The following KHDRBS2 variants were observed in gnomAD, a reference collection of about 807,000 sequenced individuals.
KHDRBS2 encodes KH RNA binding domain containing, signal transduction associated 2.
Under a neutral mutation model 44.3 loss-of-function variants are expected in KHDRBS2, and 26 were observed. That is an observed-to-expected ratio of 0.59 (90% CI 0.43 to 0.81). The LOEUF is 0.81. Among genes scored for constraint, KHDRBS2 ranks in the 40% least tolerant of loss-of-function variants. The pLI is 0.00. For missense variants in KHDRBS2, 476 were observed against 433.1 expected (o/e 1.10, Z -0.88); for synonymous variants, 194 against 151.1 (o/e 1.28, Z -2.08).
intron 6 of KHDRBS2, among the ~76,000 whole-genome samples, chr6:61,880,162 T>C (rs754086644): frequency 5.9e-5 from 9 of 151,844 alleles, no homozygotes; most frequent in Non-Finnish European, 8.8e-5. Context: ...AATGGAAAAG[T>C]ACACACAAAA....
At chr6:62,229,436 G>A (rs1172336130) in intron 1 of KHDRBS2, among the ~76,000 whole-genome samples, 1 of 152,186 alleles carries the variant, frequency 6.6e-6, no homozygotes, top group Non-Finnish European at 1.5e-5. Context: ...AGATTAGTGT[G>A]TTAGGCAGCT....
At chr6:62,263,088 G>A (rs994333546) in intron 1 of KHDRBS2, among the ~76,000 whole-genome samples, 1 of 151,564 alleles carries the variant, frequency 6.6e-6, no homozygotes, top group Non-Finnish European at 1.5e-5. Context: ...TGTCTTCCAA[G>A]AAAACTCAAA....
rs1446715918 is a variant in KHDRBS2, at chr6:61,978,347, C to G, written c.337-135G>C. 6.9e-6 allele frequency: 4 copies of G among 579,298 alleles called. No homozygotes were observed. In the Admixed American group the frequency reaches 1.6e-4, roughly 23 times the overall value. The allele number at this position is 579,298 out of a possible 1,614,324, so 35.9% of individuals were successfully genotyped here. A position where few individuals can be genotyped will look rare whatever the true frequency, so the allele number is the denominator to read the frequency against. On this transcript the variant is annotated intron_variant, in intron 3 of 8. Transcript: ENST00000281156. ...GCTTCCATAATTTTCTCAAAGAAAC[C>G]CTTTGAGAAATAAAAATCTGCTACA...
the KHDRBS2 span, among the ~76,000 whole-genome samples, chr6:61,581,400 A>G: frequency 6.6e-6 from 1 of 151,926 alleles, no homozygotes; most frequent in African/African-American, 2.4e-5. Context: ...GTTAAGCAAT[A>G]TATGGCTAAA....
At chr6:62,280,064 C>T (rs749109295) in intron 1 of KHDRBS2, among the ~76,000 whole-genome samples, 31 of 152,016 alleles carry the variant, frequency 2.0e-4, no homozygotes, top group Non-Finnish European at 3.5e-4. Context: ...GATCTAGAGG[C>T]GTTCGTTATG....
intron 2 of KHDRBS2, among the ~76,000 whole-genome samples, chr6:62,098,838 AT>A (rs1801227665): frequency 1.3e-5 from 2 of 151,684 alleles, no homozygotes; most frequent in East Asian, 1.9e-4. Context: ...CCTTTATATT[AT>A]TTTTTCCCCT....
chr6:62,210,331 T>C (rs1288746239), intron 1 of KHDRBS2, among the ~76,000 whole-genome samples: 1 of 150,118 alleles, frequency 6.7e-6, no homozygotes, highest in East Asian at 1.9e-4. Flanking sequence ...AGCATTCTTT[T>C]TTTTTTTTTT....
intron 6 of KHDRBS2, among the ~76,000 whole-genome samples, chr6:61,758,857 C>A (rs1385125979): frequency 8.6e-5 from 13 of 152,010 alleles, no homozygotes. Flanking sequence ...ATTATTGAAT[C>A]AACATACTCT....
chr6:61,791,446 T>G (rs1181351520), intron 6 of KHDRBS2, among the ~76,000 whole-genome samples: 1 of 151,668 alleles, frequency 6.6e-6, no homozygotes, highest in South Asian at 2.1e-4. Context: ...CATTGAATTA[T>G]AAATATTTTT....
chr6:62,151,701 G>T (rs138912304), intron 2 of KHDRBS2, among the ~76,000 whole-genome samples: 1 of 152,164 alleles, frequency 6.6e-6, no homozygotes, highest in East Asian at 1.9e-4. Flanking sequence ...ACAATAAGAA[G>T]AATATGGTAT....
chr6:61,892,298 C>A (rs1364540581), intron 6 of KHDRBS2, among the ~76,000 whole-genome samples: 32 of 152,174 alleles, frequency 2.1e-4, no homozygotes, highest in South Asian at 6.2e-4. Flanking sequence ...GGTAGGAAGA[C>A]TCAATATCAT....
At chr6:61,945,497 A>T (rs1813180599) in intron 4 of KHDRBS2, among the ~76,000 whole-genome samples, 1 of 151,916 alleles carries the variant, frequency 6.6e-6, no homozygotes, top group Non-Finnish European at 1.5e-5. Flanking sequence ...CACAACTTAA[A>T]CCACATCTGT....
rs1029755537 is a variant in KHDRBS2 at position 61,848,564 on chromosome 6, T to C, written c.810+46071A>G. 3.1e-3 allele frequency among the ~76,000 whole-genome samples: 148 copies of C among 47,656 alleles called. 8 individuals carry two copies. The highest frequency in any genetic ancestry group is 0.012 in the African/African-American group (134 of 11,626). The allele number at this position is 47,656 out of a possible 152,430, so 31.3% of individuals were successfully genotyped here. A position where few individuals can be genotyped will look rare whatever the true frequency, so the allele number is the denominator to read the frequency against. ...ATGTATATATATACATATATATATGTATATATATATACATATATATATATA... is the reference window on the plus strand; with the variant it reads ...ATGTATATATATACATATATATATGCATATATATATACATATATATATATA... On this transcript the variant is annotated intron_variant, in intron 6 of 8. Transcript: ENST00000281156.
At chr6:62,241,059 AT>A (rs1275979805) in intron 1 of KHDRBS2, among the ~76,000 whole-genome samples, 3 of 152,006 alleles carry the variant, frequency 2.0e-5, no homozygotes, top group African/African-American at 4.8e-5. Flanking sequence ...GTGTTTCAAA[AT>A]TTTTTAAGTA....
At chr6:61,988,568 G>A (rs548558790) in intron 3 of KHDRBS2, among the ~76,000 whole-genome samples, 1 of 152,258 alleles carries the variant, frequency 6.6e-6, no homozygotes, top group Non-Finnish European at 1.5e-5. Context: ...AAAATGGGGA[G>A]TAGGTGCTGG....
intron 2 of KHDRBS2, among the ~76,000 whole-genome samples, chr6:62,087,721 G>T (rs1333295200): frequency 1.3e-5 from 2 of 152,082 alleles, no homozygotes; most frequent in Non-Finnish European, 2.9e-5. Context: ...TGTATTTCCT[G>T]AATTTTAATG....
chr6:62,073,123 A>T (rs188198819), intron 2 of KHDRBS2, among the ~76,000 whole-genome samples: 86 of 152,006 alleles, frequency 5.7e-4, no homozygotes, highest in Admixed American at 1.3e-3. Context: ...CTAATCTTTG[A>T]AAAGATTATG....
chr6:62,025,907 A>T (rs1307382454), intron 3 of KHDRBS2, among the ~76,000 whole-genome samples: 1 of 152,098 alleles, frequency 6.6e-6, no homozygotes, highest in Non-Finnish European at 1.5e-5. Context: ...GATTAAATTC[A>T]GATTCAACTT....
At chr6:62,021,511 A>T (rs1214040207) in intron 3 of KHDRBS2, among the ~76,000 whole-genome samples, 1 of 151,860 alleles carries the variant, frequency 6.6e-6, no homozygotes, top group Non-Finnish European at 1.5e-5. Flanking sequence ...TTACACTTGT[A>T]AGTTCTTCTG....
Sources: gnomAD v4.1 joint callset for allele counts (sites outside exome capture counted in the v4.1 genomes callset) on GRCh38, gnomAD v4.1.1 for gene constraint, MANE v1.5 for transcripts, NCBI Gene and HGNC (gene_info 2026-07-23, HGNC 2026-07-21) for gene names.